DSCAM: variants seen among roughly 807,000 people sequenced by gnomAD.
DSCAM encodes cell adhesion molecule DSCAM.
Under a neutral mutation model 217.7 loss-of-function variants are expected in DSCAM, and 47 were observed. The observed-to-expected ratio is 0.22, with a 90% confidence interval of 0.17 to 0.28. DSCAM has a LOEUF of 0.28. DSCAM is among the 10% of genes least tolerant of loss of function. The pLI is 1.00. For synonymous variants in DSCAM, 1,056 were observed against 1,015.3 expected (o/e 1.04, Z -0.76); for missense variants, 2,080 against 2,618.3 (o/e 0.79, Z 4.49).
chr21:40,589,203 A>G (rs540070003), intron 3 of DSCAM, among the ~76,000 whole-genome samples: 1 of 152,310 alleles, frequency 6.6e-6, no homozygotes, highest in South Asian at 2.1e-4. Flanking sequence ...CCAAAATACA[A>G]TTTCTATGCT....
chr21:40,231,537 T>G (rs142009994), intron 11 of DSCAM, among the ~76,000 whole-genome samples: 1 of 152,164 alleles, frequency 6.6e-6, no homozygotes, highest in African/African-American at 2.4e-5. Context: ...GTGTCTTGCT[T>G]TGTTGCTCAG....
chr21:40,510,154 C>A (rs895644394), intron 3 of DSCAM, among the ~76,000 whole-genome samples: 3 of 151,960 alleles, frequency 2.0e-5, no homozygotes, highest in Admixed American at 6.6e-5. Flanking sequence ...TGTCCCCCCC[C>A]AAAGCACTCT....
intron 3 of DSCAM, among the ~76,000 whole-genome samples, chr21:40,377,762 G>A (rs2123720149): frequency 6.6e-6 from 1 of 152,178 alleles, no homozygotes; most frequent in African/African-American, 2.4e-5. Flanking sequence ...AGGAGTGAGA[G>A]GAGGCATGGA....
intron 2 of DSCAM, among the ~76,000 whole-genome samples, chr21:40,697,575 A>G (rs1052291012): frequency 2.0e-5 from 3 of 152,210 alleles, no homozygotes; most frequent in Non-Finnish European, 2.9e-5. Context: ...TGCCAACACT[A>G]ATTTTTAAAG....
intron 1 of DSCAM, among the ~76,000 whole-genome samples, chr21:40,810,943 T>C (rs1382154063): frequency 6.6e-6 from 1 of 152,086 alleles, no homozygotes; most frequent in East Asian, 1.9e-4. Context: ...ATTTTTTCAC[T>C]TGGGGTCATT....
At chr21:40,637,969 C>A (rs896475105) in intron 3 of DSCAM, among the ~76,000 whole-genome samples, 1 of 151,946 alleles carries the variant, frequency 6.6e-6, no homozygotes, top group South Asian at 2.1e-4. Flanking sequence ...CAGGCATGAG[C>A]CACCATGCCC....
intron 5 of DSCAM, among the ~76,000 whole-genome samples, chr21:40,352,124 T>G (rs1182472222): frequency 6.6e-6 from 1 of 152,206 alleles, no homozygotes; most frequent in Non-Finnish European, 1.5e-5. Flanking sequence ...CCCACATGCT[T>G]AGTGTTCCAA....
At chr21:40,695,907 C>A (rs959700605) in intron 2 of DSCAM, among the ~76,000 whole-genome samples, 1 of 152,074 alleles carries the variant, frequency 6.6e-6, no homozygotes, top group African/African-American at 2.4e-5. Context: ...GCCTCCATAA[C>A]TTAAGACACC....
intron 1 of DSCAM, among the ~76,000 whole-genome samples, chr21:40,782,031 C>G (rs970721264): frequency 6.7e-6 from 1 of 149,264 alleles, no homozygotes; most frequent in African/African-American, 2.5e-5. Flanking sequence ...ATTAGCCAGG[C>G]GCAATGGCGG....
At chr21:40,287,561 A>C (rs1413921423) in intron 10 of DSCAM, among the ~76,000 whole-genome samples, 1 of 152,214 alleles carries the variant, frequency 6.6e-6, no homozygotes, top group African/African-American at 2.4e-5. Context: ...TATTGAGCAC[A>C]GCATGTGTTT....
intron 8 of DSCAM, among the ~76,000 whole-genome samples, chr21:40,331,606 C>T (rs1437925182): frequency 6.6e-6 from 1 of 152,128 alleles, no homozygotes; most frequent in African/African-American, 2.4e-5. Context: ...CAAAGTACCA[C>T]CAACACAAGA....
intron 3 of DSCAM, among the ~76,000 whole-genome samples, chr21:40,645,628 C>T (rs1481653720): frequency 6.6e-6 from 1 of 151,942 alleles, no homozygotes; most frequent in African/African-American, 2.4e-5. Flanking sequence ...ACACGGTGCC[C>T]CTCTTCATGT....
chr21:40,042,698 G>C, intron 31 of DSCAM, 25 bp from the exon 32 acceptor site: 1 of 1,569,120 alleles, frequency 6.4e-7, no homozygotes, highest in Non-Finnish European at 8.6e-7. Context: ...AGAAAAACAA[G>C]ACGGACGACT....
chr21:40,594,019 C>A (rs539069290), intron 3 of DSCAM, among the ~76,000 whole-genome samples: 1 of 152,304 alleles, frequency 6.6e-6, no homozygotes, highest in South Asian at 2.1e-4. Context: ...TAGGTCCATT[C>A]ATTTATCCCC....
At chr21:40,458,365 C>T (rs1046891676) in intron 3 of DSCAM, among the ~76,000 whole-genome samples, 1 of 151,744 alleles carries the variant, frequency 6.6e-6, no homozygotes, top group Admixed American at 6.6e-5. Flanking sequence ...AACCAGAGAT[C>T]GAAGAACATT....
intron 14 of DSCAM, among the ~76,000 whole-genome samples, chr21:40,183,830 A>G (rs768403685): frequency 5.3e-5 from 8 of 152,238 alleles, no homozygotes; most frequent in Non-Finnish European, 1.2e-4. Context: ...GCTTTCTTTG[A>G]AAATTAATGA....
rs748843207 is a variant in DSCAM at position 40,079,018 on chromosome 21, T to C, written c.4421-41A>G. The C allele has an allele frequency of 1.6e-5, 25 of 1,592,144 alleles. No homozygotes were observed. In the Admixed American group the frequency reaches 4.1e-4, roughly 26 times the overall value. ...CATGGAGGTCAGCTCACAGGACACA[T>C]GGGGAGGCCATCAGCATCTTCACGC... On this transcript the variant is annotated intron_variant, in intron 25 of 32. Transcript: ENST00000400454.
chr21:40,017,630 A>G (rs897412822), intron 32 of DSCAM, among the ~76,000 whole-genome samples: 7 of 151,192 alleles, frequency 4.6e-5, no homozygotes, highest in Middle Eastern at 3.5e-3. Context: ...TCGGTTCGCC[A>G]CAACCTCCAC....
chr21:40,642,053 A>G (rs544687028), intron 3 of DSCAM, among the ~76,000 whole-genome samples: 1 of 146,464 alleles, frequency 6.8e-6, no homozygotes, highest in South Asian at 2.2e-4. Context: ...AAAAAAAAAA[A>G]AAAAAACAAA....
Sources: allele counts gnomAD v4.1 joint callset (sites outside exome capture counted in the v4.1 genomes callset), GRCh38; gene constraint gnomAD v4.1.1; transcripts MANE v1.5; gene names NCBI Gene and HGNC (gene_info 2026-07-23, HGNC 2026-07-21).